The following RAP1GAP2 variants were observed in gnomAD, a reference collection of about 807,000 sequenced individuals.
RAP1GAP2 encodes RAP1 GTPase activating protein 2.
In RAP1GAP2, 27 loss-of-function variants were observed where a neutral mutation model predicts 95.0. The observed-to-expected ratio is 0.28, with a 90% CI of 0.21 to 0.39. The LOEUF (loss-of-function observed/expected upper bound fraction) is 0.39, where lower values mean the gene tolerates loss of function less well. Among genes scored for constraint, RAP1GAP2 ranks in the 10% least tolerant of loss-of-function variants. The probability of loss-of-function intolerance (pLI) is 1.00; values close to 1 mark genes in which losing one functional copy is unlikely to be tolerated. For synonymous variants in RAP1GAP2, 373 were observed against 380.9 expected (o/e 0.98, Z 0.24); for missense variants, 771 against 970.0 (o/e 0.79, Z 2.72).
chr17:2,891,485 A>G (rs944097558), intron 2 of RAP1GAP2, among the ~76,000 whole-genome samples: 1 of 151,752 alleles, frequency 6.6e-6, no homozygotes, highest in African/African-American at 2.4e-5. Context: ...ACTTTAATAG[A>G]TGGCCCCTCC....
intron 2 of RAP1GAP2, among the ~76,000 whole-genome samples, chr17:2,810,191 G>C (rs916691310): frequency 4.6e-5 from 7 of 152,036 alleles, no homozygotes; most frequent in African/African-American, 1.7e-4. Context: ...TGCGAGCTTT[G>C]TCTGGACCAC....
intron 2 of RAP1GAP2, among the ~76,000 whole-genome samples, chr17:2,844,788 A>G (rs1375041753): frequency 1.3e-5 from 2 of 152,198 alleles, no homozygotes; most frequent in Non-Finnish European, 2.9e-5. Context: ...TTACACCCAC[A>G]AAGAGGGGCA....
At chr17:2,909,415 T>C (rs2042299121) in intron 3 of RAP1GAP2, among the ~76,000 whole-genome samples, 1 of 151,496 alleles carries the variant, frequency 6.6e-6, no homozygotes, top group African/African-American at 2.4e-5. Flanking sequence ...TGGGTGGAGA[T>C]GGTCAGAGTC....
intron 3 of RAP1GAP2, among the ~76,000 whole-genome samples, chr17:2,922,820 C>CTTTTTT (rs1567782104): frequency 7.7e-6 from 1 of 129,100 alleles, no homozygotes; most frequent in African/African-American, 3.2e-5. Context: ...CCAGTATTTT[C>CTTTTTT]TTTTTGTTTT....
intron 18 of RAP1GAP2, 136 bp downstream of exon 18, chr17:3,018,334 G>A (rs2046846202): frequency 1.7e-6 from 2 of 1,196,364 alleles, no homozygotes; most frequent in Admixed American, 3.1e-5. Context: ...GGGAAACTGA[G>A]GCTGCTTGGG....
chr17:2,876,472 G>A (rs931257099), intron 2 of RAP1GAP2, among the ~76,000 whole-genome samples: 50 of 152,112 alleles, frequency 3.3e-4, no homozygotes, highest in African/African-American at 1.2e-3. Flanking sequence ...GGGGGTTTTG[G>A]AGGGTCCATA....
Position 2,827,259 on chromosome 17 carries a change from C to T in RAP1GAP2, c.80+26709C>T, listed in dbSNP as rs992399473. Reference sequence around the variant, plus strand: ...GAGCTCAGCTGAGTGGATACCCACTCGCACATCCAACAGCTCTCATTCCCA... The same window carrying T: ...GAGCTCAGCTGAGTGGATACCCACTTGCACATCCAACAGCTCTCATTCCCA... On this transcript the variant is annotated intron_variant, in intron 2 of 24. Transcript: ENST00000254695. This position sits in a 1 kb window ranked among gnomAD's most constrained non-coding sequence, Gnocchi z 4.1. 6.6e-5 allele frequency among the ~76,000 whole-genome samples: 10 copies of T among 152,122 alleles called. No homozygotes were observed. The highest frequency in any genetic ancestry group is 1.9e-4 in the African/African-American group (8 of 41,434).
chr17:2,835,776 T>G (rs565384563), intron 2 of RAP1GAP2, among the ~76,000 whole-genome samples: 7 of 152,334 alleles, frequency 4.6e-5, no homozygotes, highest in African/African-American at 1.7e-4. Flanking sequence ...TAGTAGAACG[T>G]CTCACATTTT....
intron 3 of RAP1GAP2, among the ~76,000 whole-genome samples, chr17:2,948,233 C>T (rs747743088): frequency 3.4e-4 from 52 of 152,158 alleles, no homozygotes; most frequent in Non-Finnish European, 1.6e-4. Context: ...TGTGTGGTGC[C>T]TCCCAGGAGC....
intron 2 of RAP1GAP2, among the ~76,000 whole-genome samples, chr17:2,890,370 T>C (rs2073666116): frequency 6.6e-6 from 1 of 152,182 alleles, no homozygotes; most frequent in African/African-American, 2.4e-5. Flanking sequence ...TGATGGAAGC[T>C]CCTAATCCAT....
At chr17:2,770,261 G>A (rs117246464) in intron 1 of RAP1GAP2, 11,199 of 398,240 alleles carry the variant, frequency 0.028, 338 homozygotes, top group South Asian at 0.14. Flanking sequence ...CCGGCAAGCA[G>A]GGCTGACTCT....
At chr17:2,949,538 GCC>G (rs1252943667) in intron 3 of RAP1GAP2, among the ~76,000 whole-genome samples, 1 of 151,734 alleles carries the variant, frequency 6.6e-6, no homozygotes, top group African/African-American at 2.4e-5. Flanking sequence ...TTAACTGAGT[GCC>G]TGCTGTATGC....
chr17:3,035,780 A>T lies in RAP1GAP2; in HGVS notation c.*2419A>T, dbSNP rs1197149873. ...CCCTCCCCTAGACCACGGGGCGGGC[A>T]GCTCGGGTTCCTGGAGGGCTGTTTC... is the stretch of plus-strand genomic sequence containing the variant. On this transcript the variant is annotated 3_prime_UTR_variant, in exon 25 of 25. Transcript: ENST00000254695. This position sits in a 1 kb window ranked among gnomAD's most constrained non-coding sequence, Gnocchi z 4.3. The T allele has an allele frequency of 6.6e-6, 1 of 152,280 alleles. No homozygotes were observed. Among genetic ancestry groups the T allele is most frequent in the Non-Finnish European group, 1.5e-5 (1 of 68,100 alleles). The allele number at this position is 152,280 out of a possible 1,614,324, so 9.4% of individuals were successfully genotyped here. A position where few individuals can be genotyped will look rare whatever the true frequency, so the allele number is the denominator to read the frequency against.
chr17:2,757,233 C>A (rs1268535030), intron 1 of RAP1GAP2, among the ~76,000 whole-genome samples: 2 of 152,206 alleles, frequency 1.3e-5, no homozygotes, highest in African/African-American at 2.4e-5. Context: ...ATCCTCCCAC[C>A]TCAGCCTCCC....
At chr17:2,886,153 G>GTA (rs1289260225) in intron 2 of RAP1GAP2, among the ~76,000 whole-genome samples, 5 of 108,774 alleles carry the variant, frequency 4.6e-5, no homozygotes, top group African/African-American at 2.1e-4. Flanking sequence ...GTGTGTGTGT[G>GTA]TGTGTGTGTA....
intron 18 of RAP1GAP2, among the ~76,000 whole-genome samples, chr17:3,020,028 G>A (rs955818895): frequency 1.3e-5 from 2 of 152,240 alleles, no homozygotes; most frequent in African/African-American, 4.8e-5. Flanking sequence ...ATTTGTTTGC[G>A]AGGAATGAAG....
chr17:2,917,444 A>G (rs1012629493), intron 3 of RAP1GAP2, among the ~76,000 whole-genome samples: 3 of 151,392 alleles, frequency 2.0e-5, no homozygotes, highest in Admixed American at 1.3e-4. Flanking sequence ...CTAATTTTAT[A>G]TTTTTAGTAG....
rs928304555 is a variant in RAP1GAP2, at chr17:2,853,819, G to C, written c.81-51465G>C. On this transcript the variant is annotated intron_variant, in intron 2 of 24. Coordinates refer to ENST00000254695, the MANE Select transcript of RAP1GAP2 (RefSeq NM_015085.5). ...CCGAGGAGACGCTGAAGGTCGCCGGGAGGGAGGGGAGAGCGCGCGGTCACC... is the reference window on the plus strand; with the variant it reads ...CCGAGGAGACGCTGAAGGTCGCCGGCAGGGAGGGGAGAGCGCGCGGTCACC... 3.2e-5 allele frequency: 20 copies of C among 618,258 alleles called. No individual in the cohort carries two copies. The African/African-American group carries it at 3.8e-4, about 12-fold the overall frequency. 38.3% of individuals were successfully genotyped at this position (618,258 alleles called of 1,614,324 possible).
intron 3 of RAP1GAP2, among the ~76,000 whole-genome samples, chr17:2,930,640 T>C (rs2043111969): frequency 6.6e-6 from 1 of 152,102 alleles, no homozygotes; most frequent in Non-Finnish European, 1.5e-5. Flanking sequence ...ATCGCTCTCT[T>C]TTGGTAGAAA....
Sources: gnomAD v4.1 joint callset for allele counts (sites outside exome capture counted in the v4.1 genomes callset) on GRCh38, gnomAD v4.1.1 for gene constraint, Gnocchi (gnomAD v3.1) non-coding constraint, MANE v1.5 for transcripts, NCBI Gene and HGNC (gene_info 2026-07-23, HGNC 2026-07-21) for gene names.